Variants in PTPN3 observed in about 807,000 individuals in gnomAD.
PTPN3 encodes protein tyrosine phosphatase non-receptor type 3.
PTPN3 carries 96 observed loss-of-function variants against 132.7 expected under a neutral mutation model. The observed-to-expected ratio is 0.72, with a 90% CI of 0.61 to 0.86. The LOEUF is 0.86. Among genes scored for constraint, PTPN3 ranks in the 40% least tolerant of loss-of-function variants. PTPN3 has a pLI of 0.00. For missense variants in PTPN3, 1,125 were observed against 1,159.6 expected (o/e 0.97, Z 0.43); for synonymous variants, 398 against 429.0 (o/e 0.93, Z 0.89).
chr9:109,501,337 G>C (rs1847862099), upstream of PTPN3, among the ~76,000 whole-genome samples: 1 of 152,164 alleles, frequency 6.6e-6, no homozygotes, highest in Non-Finnish European at 1.5e-5. Flanking sequence ...TGATCTCAAA[G>C]TCAGGGTGTT....
the PTPN3 span, among the ~76,000 whole-genome samples, chr9:109,537,878 T>C: frequency 6.6e-6 from 1 of 152,248 alleles, no homozygotes; most frequent in Admixed American, 6.5e-5. Flanking sequence ...TACACAGATA[T>C]CTGAATGAGC....
At chr9:109,525,223 A>T in the PTPN3 span, among the ~76,000 whole-genome samples, 7 of 151,162 alleles carry the variant, frequency 4.6e-5, no homozygotes, top group South Asian at 8.4e-4. Context: ...CCAGATAATT[A>T]AAAAAAAATG....
intron 1 of PTPN3, among the ~76,000 whole-genome samples, chr9:109,496,143 G>T (rs1165104698): frequency 6.6e-6 from 1 of 152,222 alleles, no homozygotes; most frequent in Non-Finnish European, 1.5e-5. Context: ...AGAAAACGCA[G>T]GATCAATACA....
Position 109,465,253 on chromosome 9 carries a change from G to A in PTPN3, c.-17-1802C>T, listed in dbSNP as rs1365848716. On this transcript the variant is annotated intron_variant, in intron 1 of 25. Transcript: ENST00000374541. ...GCAACTGAGGACATGACTATATCAC[G>A]TAGGTGGGAGGATCTAGGCTTCTAC... Among the ~76,000 whole-genome samples, 5 of 152,178 alleles carry A rather than the reference G, an allele frequency of 3.3e-5. No individual in the cohort carries two copies. In the South Asian group the frequency reaches 6.2e-4, roughly 19 times the overall value.
rs564550303 is a variant in PTPN3, at chr9:109,410,306, G to C, written c.1423C>G (p.Gln475Glu). The C allele has an allele frequency of 5.0e-6, 8 of 1,614,146 alleles. No individual in the cohort carries two copies. The East Asian group carries it at 1.3e-4, about 27-fold the overall frequency. Reference protein sequence around the residue: ...PGSCSPDGVDQQLLDDFHRVT... With the variant: ...PGSCSPDGVDEQLLDDFHRVT... The stretch of plus-strand genomic sequence containing the variant: ...CTGTGGAAGTCATCTAAGAGCTGCT[G>C]ATCAACGCCGTCAGGTGAGCAGGAG... The change falls in exon 15 of 26, where the codon CAG becomes GAG. Residue 475 changes from glutamine (Q) to glutamate (E), a missense_variant. Gln to Glu is a conservative substitution (Grantham distance 29). Coordinates refer to ENST00000374541, the MANE Select transcript of PTPN3 (RefSeq NM_002829.4).
At chr9:109,422,916 G>A (rs1259574617) in intron 12 of PTPN3, 64 bp from the exon 13 acceptor site, 1 of 1,553,582 alleles carries the variant, frequency 6.4e-7, no homozygotes, top group East Asian at 2.2e-5. Flanking sequence ...ATTACTGCAT[G>A]TGTGAAACAG....
chr9:109,390,875 C>T (rs538205386), intron 21 of PTPN3, among the ~76,000 whole-genome samples: 3 of 152,170 alleles, frequency 2.0e-5, no homozygotes, highest in African/African-American at 4.8e-5. Flanking sequence ...GGCATGTGGA[C>T]GATTGAATTA....
chr9:109,490,463 C>G (rs1295153296), intron 1 of PTPN3, among the ~76,000 whole-genome samples: 1 of 151,892 alleles, frequency 6.6e-6, no homozygotes, highest in Admixed American at 6.6e-5. Flanking sequence ...TCTGGCTGGG[C>G]ATGGTGGCTC....
rs1838636666 is a variant in PTPN3 at position 109,377,285 on chromosome 9, GCA to G, written c.*2269_*2270del. The G allele has an allele frequency of 6.6e-6, 1 of 152,048 alleles. No individual in the cohort carries two copies. Among genetic ancestry groups the G allele is most frequent in the South Asian group, 2.1e-4 (1 of 4,814 alleles). 9.4% of individuals were successfully genotyped at this position (152,048 alleles called of 1,614,324 possible). On this transcript the variant is annotated 3_prime_UTR_variant, in exon 26 of 26. Transcript: ENST00000374541. Reference sequence around the variant, plus strand: ...TCTCATAAAAACCCAGTTAGGCTGGGCACAGTGGCTCACGCCTATAATCCCAA... The same window carrying G: ...TCTCATAAAAACCCAGTTAGGCTGGGCAGTGGCTCACGCCTATAATCCCAA...
At chr9:109,532,413 A>G in the PTPN3 span, among the ~76,000 whole-genome samples, 1 of 152,140 alleles carries the variant, frequency 6.6e-6, no homozygotes, top group Non-Finnish European at 1.5e-5. Context: ...TTTTATTACT[A>G]TTATTATTTA....
chr9:109,425,929 G>A (rs746725434), intron 12 of PTPN3, among the ~76,000 whole-genome samples: 1 of 148,914 alleles, frequency 6.7e-6, no homozygotes, highest in Non-Finnish European at 1.5e-5. Context: ...CAAGAGAATC[G>A]ATTGAACCTG....
chr9:109,417,889 C>A, intron 14 of PTPN3: 1 of 693,486 alleles, frequency 1.4e-6, no homozygotes, highest in Non-Finnish European at 1.8e-6. Flanking sequence ...TTTACAAGGT[C>A]TCAAGGAGGG....
the PTPN3 span, among the ~76,000 whole-genome samples, chr9:109,522,218 G>A: frequency 1.3e-5 from 2 of 152,336 alleles, no homozygotes; most frequent in Non-Finnish European, 2.9e-5. Context: ...AATCATTACA[G>A]TTCCTTGCAG....
At chr9:109,516,446 C>T in the PTPN3 span, among the ~76,000 whole-genome samples, 1 of 152,032 alleles carries the variant, frequency 6.6e-6, no homozygotes, top group Non-Finnish European at 1.5e-5. Flanking sequence ...GAGGAGTTGA[C>T]CAGCTACAGA....
At chr9:109,533,760 A>G in the PTPN3 span, 2 of 1,379,432 alleles carry the variant, frequency 1.4e-6, no homozygotes, top group African/African-American at 1.4e-5. Flanking sequence ...GGGAACCTTC[A>G]CCTGCTGTAG....
In PTPN3 at chr9:109,492,943, A is replaced by G. The variant is rs115576288; in HGVS notation, c.-18+5276T>C. Among the ~76,000 whole-genome samples, 665 of 152,324 alleles carry G rather than the reference A, an allele frequency of 4.4e-3. 3 individuals are homozygous for G. Among genetic ancestry groups the G allele is most frequent in the African/African-American group, 0.015 (637 of 41,560 alleles). On this transcript the variant is annotated intron_variant, in intron 1 of 25. Transcript: ENST00000374541. The stretch of plus-strand genomic sequence containing the variant: ...ATTTCTCATTCTAATAAAACTCCCA[A>G]CATTCTCTTTGTTTTCCAAACCAAA...
chr9:109,514,857 A>AT, the PTPN3 span, among the ~76,000 whole-genome samples: 1 of 152,190 alleles, frequency 6.6e-6, no homozygotes, highest in Non-Finnish European at 1.5e-5. Context: ...GGTTAAGCTT[A>AT]TATTTCTGCT....
upstream of PTPN3, among the ~76,000 whole-genome samples, chr9:109,500,521 G>A (rs1847850065): frequency 6.6e-6 from 1 of 151,676 alleles, no homozygotes; most frequent in Admixed American, 6.6e-5. Context: ...ATAACAGAGG[G>A]ATGATTAATT....
At chr9:109,506,520 C>T in the PTPN3 span, among the ~76,000 whole-genome samples, 7 of 147,862 alleles carry the variant, frequency 4.7e-5, no homozygotes, top group African/African-American at 1.8e-4. Flanking sequence ...TCCTTCTTTC[C>T]TTCCTTCCTC....
Sources: allele counts gnomAD v4.1 joint callset (sites outside exome capture counted in the v4.1 genomes callset), GRCh38; gene constraint gnomAD v4.1.1; transcripts MANE v1.5; gene names NCBI Gene and HGNC (gene_info 2026-07-23, HGNC 2026-07-21).